TMEM245: variants seen among roughly 807,000 people sequenced by gnomAD.
TMEM245 encodes the protein transmembrane protein 245.
TMEM245 carries 69 observed loss-of-function variants against 101.2 expected under a neutral mutation model. That is an observed-to-expected ratio of 0.68 (90% CI 0.56 to 0.83). The LOEUF is 0.83. TMEM245 is among the 40% of genes least tolerant of loss of function. The pLI, the probability that TMEM245 is intolerant of heterozygous loss-of-function variation, is 0.00. For synonymous variants in TMEM245, 537 were observed against 449.8 expected (o/e 1.19, Z -2.45); for missense variants, 1,075 against 1,092.8 (o/e 0.98, Z 0.23).
chr9:109,035,543 T>C (rs1828092955), intron 16 of TMEM245, among the ~76,000 whole-genome samples: 1 of 152,198 alleles, frequency 6.6e-6, no homozygotes, highest in Non-Finnish European at 1.5e-5. Flanking sequence ...AGAAATTAAC[T>C]TGCTGAGATT....
intron 7 of TMEM245, among the ~76,000 whole-genome samples, chr9:109,083,901 CAAAAAAAAAAAA>C (rs751739620): frequency 5.2e-4 from 18 of 34,474 alleles, no homozygotes; most frequent in African/African-American, 1.7e-3. Context: ...ACTAAAAATA[CAAAAAAAAAAAA>C]AAAAAAAAAA....
At chr9:109,105,848 C>T (rs1482161757) in intron 3 of TMEM245, among the ~76,000 whole-genome samples, 2 of 152,142 alleles carry the variant, frequency 1.3e-5, no homozygotes, top group Non-Finnish European at 1.5e-5. Context: ...TCGGCTCTCA[C>T]TGCAACCTCC....
chr9:109,067,213 AGAG>A lies in TMEM245; in HGVS notation c.1533-2649_1533-2647del, dbSNP rs1347657960. ...ACAGGTTTCCTAAGAGCAACAAATG[AGAG>A]GAGCTGTTTTGGGGACAAGGTAGAG... is the stretch of plus-strand genomic sequence containing the variant. On this transcript the variant is annotated intron_variant, in intron 9 of 17. Transcript: ENST00000374586. Among the ~76,000 whole-genome samples the A allele has an allele frequency of 6.6e-5, 10 of 152,200 alleles. No individual in the cohort carries two copies. In the East Asian group the frequency reaches 1.9e-3, roughly 29 times the overall value.
rs1246184583 is a variant in TMEM245 at position 109,016,656 on chromosome 9, GTGT to G, written c.*3801_*3803del. The G allele has an allele frequency of 1.5e-4, 13 of 87,968 alleles. No homozygotes were observed. Among genetic ancestry groups the G allele is most frequent in the Admixed American group, 8.8e-4 (5 of 5,660 alleles). The allele number at this position is 87,968 out of a possible 1,614,324, so 5.4% of individuals were successfully genotyped here. The stretch of plus-strand genomic sequence containing the variant: ...CAAACAGTGGCTGCAGACAGCATGT[GTGT>G]TTTTTTTTTTTTTTTTTTTTGCAGG... On this transcript the variant is annotated 3_prime_UTR_variant, in exon 18 of 18. Coordinates refer to ENST00000374586, the MANE Select transcript of TMEM245 (RefSeq NM_032012.4).
intron 14 of TMEM245, among the ~76,000 whole-genome samples, chr9:109,041,090 TCTC>T (rs1347724585): frequency 6.6e-6 from 1 of 152,112 alleles, no homozygotes; most frequent in East Asian, 1.9e-4. Context: ...TCACCACATA[TCTC>T]CTCAAGGTAT....
intron 3 of TMEM245, among the ~76,000 whole-genome samples, chr9:109,101,028 T>C (rs1830269519): frequency 6.6e-6 from 1 of 152,152 alleles, no homozygotes; most frequent in Non-Finnish European, 1.5e-5. Flanking sequence ...GTGGGAGCAC[T>C]GCTTGAGCCC....
chr9:109,083,905 A>AAAAAAAAAAC (rs1829747274), intron 7 of TMEM245, among the ~76,000 whole-genome samples: 1 of 91,432 alleles, frequency 1.1e-5, no homozygotes, highest in Non-Finnish European at 2.3e-5. Flanking sequence ...AAAATACAAA[A>AAAAAAAAAAC]AAAAAAAAAA....
rs1034676416 is a variant in TMEM245, at chr9:109,057,103, A to AT, written c.1854+87dup. 14 of 1,399,922 alleles carry AT rather than the reference A, an allele frequency of 1.0e-5. No homozygotes were observed. The African/African-American group carries it at 1.9e-4, about 19-fold the overall frequency. 86.7% of individuals were successfully genotyped at this position (1,399,922 alleles called of 1,614,324 possible). On this transcript the variant is annotated intron_variant, in intron 12 of 17. Transcript: ENST00000374586. ...TGTCATGATGTTAAAAACAGGATAG[A>AT]TGAGGCCTCAAAGTGTATGAAGAAA... is the stretch of plus-strand genomic sequence containing the variant.
chr9:109,086,088 C>G lies in TMEM245; in HGVS notation c.1321-68G>C. 3 of 1,517,688 alleles carry G rather than the reference C, an allele frequency of 2.0e-6. No homozygotes were observed. In the South Asian group the frequency reaches 3.4e-5, roughly 17 times the overall value. The allele number at this position is 1,517,688 out of a possible 1,614,324, so 94.0% of individuals were successfully genotyped here. ...GTGGAGTATCATTAGAGAATGCAAC[C>G]ATAGTATGAAAAGAAAAGGAAAGCA... On this transcript the variant is annotated intron_variant, in intron 6 of 17. Transcript: ENST00000374586.
At position 109,033,696 on chromosome 9, in the gene TMEM245, T is replaced by C. The variant is rs758297809; in HGVS notation, c.2400-195A>G. Among the ~76,000 whole-genome samples, 3 of 152,064 alleles carry C rather than the reference T, an allele frequency of 2.0e-5. No individual in the cohort carries two copies. The East Asian group carries it at 5.8e-4, about 29-fold the overall frequency. On this transcript the variant is annotated intron_variant, in intron 16 of 17. Coordinates refer to ENST00000374586, the MANE Select transcript of TMEM245 (RefSeq NM_032012.4). ...CAACAATATTGAGATGCAACAATTGTTTTTCCTATGGATGACATCTGCCTC... is the reference window on the plus strand; with the variant it reads ...CAACAATATTGAGATGCAACAATTGCTTTTCCTATGGATGACATCTGCCTC...
At chr9:109,071,841 A>G (rs1174452455) in intron 9 of TMEM245, among the ~76,000 whole-genome samples, 1 of 152,164 alleles carries the variant, frequency 6.6e-6, no homozygotes, top group African/African-American at 2.4e-5. Flanking sequence ...CATCCCCCAC[A>G]AAAACTGAAA....
intron 14 of TMEM245, among the ~76,000 whole-genome samples, chr9:109,045,473 T>C (rs1171095304): frequency 6.6e-6 from 1 of 152,210 alleles, no homozygotes; most frequent in Non-Finnish European, 1.5e-5. Context: ...ATCTGGAGGC[T>C]ATGGTAGTAG....
At position 109,070,719 on chromosome 9, in the gene TMEM245, T is replaced by A. The variant is rs140532802; in HGVS notation, c.1532+2637A>T. On this transcript the variant is annotated intron_variant, in intron 9 of 17. Coordinates refer to ENST00000374586, the MANE Select transcript of TMEM245 (RefSeq NM_032012.4). ...AAACATATCTATCACTCCTAAAAAT[T>A]TCCTTGCACCTATATGTATGTCCTC... Among the ~76,000 whole-genome samples, 298 of 152,266 alleles carry A rather than the reference T, an allele frequency of 2.0e-3. 3 individuals are homozygous for A. The highest frequency in any genetic ancestry group is 6.6e-3 in the African/African-American group (275 of 41,556).
intron 17 of TMEM245, among the ~76,000 whole-genome samples, chr9:109,021,223 T>C (rs151290191): frequency 1.0e-3 from 152 of 152,312 alleles, no homozygotes; most frequent in Middle Eastern, 3.4e-3. Context: ...ATAAATCACC[T>C]GGCTAAATTT....
intron 1 of TMEM245, among the ~76,000 whole-genome samples, chr9:109,118,004 T>A (rs576321709): frequency 6.6e-6 from 1 of 152,372 alleles, no homozygotes; most frequent in South Asian, 2.1e-4. Flanking sequence ...ATGAGCTGTG[T>A]GACTTTGGAC....
intron 8 of TMEM245, among the ~76,000 whole-genome samples, chr9:109,073,856 GT>G (rs904054098): frequency 0.014 from 1,657 of 119,858 alleles, 12 homozygotes; most frequent in African/African-American, 0.015. Flanking sequence ...TTTTTTTTTT[GT>G]TTTTTTTTTT....
At chr9:109,025,051 G>C (rs1251594693) in intron 17 of TMEM245, among the ~76,000 whole-genome samples, 1 of 152,208 alleles carries the variant, frequency 6.6e-6, no homozygotes, top group African/African-American at 2.4e-5. Flanking sequence ...TAAAGAGGAT[G>C]AGCAGATTCA....
chr9:109,048,112 A>G (rs1828555001), intron 14 of TMEM245, among the ~76,000 whole-genome samples: 1 of 152,194 alleles, frequency 6.6e-6, no homozygotes, highest in Non-Finnish European at 1.5e-5. Flanking sequence ...ACACTGGATA[A>G]TATACTCCCA....
chr9:109,093,906 T>C (rs1351911535), intron 3 of TMEM245, among the ~76,000 whole-genome samples: 1 of 152,222 alleles, frequency 6.6e-6, no homozygotes, highest in Non-Finnish European at 1.5e-5. Flanking sequence ...ATACTTCTAT[T>C]GAAAAACACT....
Sources: gnomAD v4.1 joint callset for allele counts (sites outside exome capture counted in the v4.1 genomes callset) on GRCh38, gnomAD v4.1.1 for gene constraint, MANE v1.5 for transcripts, NCBI Gene and HGNC (gene_info 2026-07-23, HGNC 2026-07-21) for gene names.